Variants in ADGRL4 observed in about 807,000 individuals in gnomAD.
ADGRL4 encodes the protein adhesion G protein-coupled receptor L4, also known as EGF, latrophilin and seven transmembrane domain containing 1.
In ADGRL4, 90 loss-of-function variants were observed where a neutral mutation model predicts 74.8. The observed-to-expected ratio is 1.20, with a 90% CI of 1.02 to 1.43. ADGRL4 has a LOEUF of 1.43. Among genes scored for constraint, ADGRL4 ranks in the 40% most tolerant of loss-of-function variants. The pLI is 0.00. For synonymous variants in ADGRL4, 311 were observed against 279.2 expected (o/e 1.11, Z -1.14); for missense variants, 881 against 814.3 (o/e 1.08, Z -1.00).
At position 78,937,914 on chromosome 1, in the gene ADGRL4, C is replaced by T; in HGVS notation, c.653G>A (p.Arg218Lys). 6.2e-7 allele frequency: 1 copy of T among 1,613,928 alleles called. No homozygotes were observed. The highest frequency in any genetic ancestry group is 2.2e-5 in the East Asian group (1 of 44,826). The change falls in exon 6 of 15, where the codon AGG (arginine) becomes AAG (lysine). Residue 218 changes from arginine (R) to lysine (K), a missense_variant. By Grantham distance (26) the Arg-to-Lys change is conservative. Transcript: ENST00000370742. ...CATGAGTTTTGTAAGATGTGTTCTC[C>T]TATGATTCACAGATAACTTGTCCCA... ...VVWDKLSVNHRRTHLTKLMHT... is the reference protein window; with the variant it reads ...VVWDKLSVNHKRTHLTKLMHT...
intron 9 of ADGRL4, 74 bp from the exon 10 acceptor site, chr1:78,920,460 A>G: frequency 1.2e-6 from 1 of 854,794 alleles, no homozygotes; most frequent in Non-Finnish European, 1.8e-6. Flanking sequence ...ACATATAATG[A>G]ACTTCCTTTT....
intron 7 of ADGRL4, among the ~76,000 whole-genome samples, chr1:78,928,171 A>G (rs1649158263): frequency 6.6e-6 from 1 of 151,426 alleles, no homozygotes; most frequent in South Asian, 2.1e-4. Flanking sequence ...TGATGAATCA[A>G]AAATATAAGA....
At chr1:78,946,245 C>T in intron 3 of ADGRL4, 29 bp downstream of exon 3, 4 of 1,571,644 alleles carry the variant, frequency 2.5e-6, no homozygotes, top group African/African-American at 1.4e-5. Flanking sequence ...GAGATATATA[C>T]AAATTCTAAC....
intron 12 of ADGRL4, among the ~76,000 whole-genome samples, chr1:78,914,555 G>C (rs1273552615): frequency 6.6e-6 from 1 of 151,716 alleles, no homozygotes; most frequent in Non-Finnish European, 1.5e-5. Context: ...ATGTTCATCT[G>C]ATCATTTGAA....
chr1:78,902,279 A>G (rs1232903593), intron 12 of ADGRL4, among the ~76,000 whole-genome samples: 2 of 152,120 alleles, frequency 1.3e-5, no homozygotes, highest in Non-Finnish European at 2.9e-5. Flanking sequence ...TAAAATTTTG[A>G]GTGCTGATAT....
intron 9 of ADGRL4, among the ~76,000 whole-genome samples, chr1:78,921,256 C>T (rs1171501976): frequency 6.6e-6 from 1 of 150,876 alleles, no homozygotes; most frequent in African/African-American, 2.4e-5. Flanking sequence ...GGAGCTTTGT[C>T]ATGAGTAAAA....
At chr1:78,969,704 TG>T (rs1243972875) in intron 2 of ADGRL4, among the ~76,000 whole-genome samples, 18 of 115,770 alleles carry the variant, frequency 1.6e-4, no homozygotes, top group East Asian at 2.8e-4. Flanking sequence ...TGATGATTTG[TG>T]GGTTTTTTTT....
At chr1:78,921,227 C>T (rs928438663) in intron 9 of ADGRL4, among the ~76,000 whole-genome samples, 1 of 150,752 alleles carries the variant, frequency 6.6e-6, no homozygotes, top group East Asian at 2.0e-4. Flanking sequence ...ACTTATTGCC[C>T]AACTGTCAAA....
chr1:78,976,871 C>G lies in ADGRL4; in HGVS notation c.172+28199G>C, dbSNP rs187753882. 3.3e-5 allele frequency among the ~76,000 whole-genome samples: 5 copies of G among 151,140 alleles called. No individual in the cohort carries two copies. The East Asian group carries it at 9.8e-4, about 29-fold the overall frequency. ...AACATTTAAGAAAAAAATACTAACT[C>G]TACATAAACTCTCCCAAAATATTGA... On this transcript the variant is annotated intron_variant, in intron 2 of 14. Transcript: ENST00000370742.
rs576778872 is a variant in ADGRL4, at chr1:78,926,822, C to T, written c.1083+64G>A. ...AACTCAGATAATTTAAGTGACACAA[C>T]AAAGAGTCCAGTTCTCTGACTGTAT... On this transcript the variant is annotated intron_variant, in intron 8 of 14. Transcript: ENST00000370742. 1,062 of 1,185,692 alleles carry T rather than the reference C, an allele frequency of 9.0e-4. 18 individuals are homozygous for T. In the South Asian group the frequency reaches 0.014, roughly 16 times the overall value. 73.4% of individuals were successfully genotyped at this position (1,185,692 alleles called of 1,614,324 possible). A position where few individuals can be genotyped will look rare whatever the true frequency, so the allele number is the denominator to read the frequency against.
chr1:78,992,449 C>T (rs1489899441), intron 2 of ADGRL4, among the ~76,000 whole-genome samples: 1 of 152,030 alleles, frequency 6.6e-6, no homozygotes, highest in Non-Finnish European at 1.5e-5. Flanking sequence ...ACCAATAACA[C>T]TCAACATAAT....
chr1:78,925,672 T>A (rs2100676320), intron 8 of ADGRL4, among the ~76,000 whole-genome samples: 1 of 152,174 alleles, frequency 6.6e-6, no homozygotes, highest in Non-Finnish European at 1.5e-5. Flanking sequence ...ACTTATTGAA[T>A]GGAAAATATA....
intron 2 of ADGRL4, among the ~76,000 whole-genome samples, chr1:79,000,103 C>T (rs1650811479): frequency 6.6e-6 from 1 of 152,060 alleles, no homozygotes; most frequent in African/African-American, 2.4e-5. Context: ...TTTCATTCTT[C>T]ATCCTATTAG....
intron 3 of ADGRL4, among the ~76,000 whole-genome samples, chr1:78,942,506 T>A (rs962677447): frequency 2.0e-5 from 3 of 152,206 alleles, no homozygotes; most frequent in African/African-American, 7.2e-5. Flanking sequence ...ATTATTTAAG[T>A]CAGGCTAGAT....
chr1:78,981,793 ATATT>A (rs1250233451), intron 2 of ADGRL4, among the ~76,000 whole-genome samples: 1 of 151,888 alleles, frequency 6.6e-6, no homozygotes, highest in African/African-American at 2.4e-5. Context: ...TTAAGTATAA[ATATT>A]AATTAATAAA....
chr1:78,937,193 C>G (rs926015162), intron 6 of ADGRL4, among the ~76,000 whole-genome samples: 1 of 152,102 alleles, frequency 6.6e-6, no homozygotes, highest in Non-Finnish European at 1.5e-5. Flanking sequence ...GCCTGTAATC[C>G]CAGCACTTTA....
intron 3 of ADGRL4, among the ~76,000 whole-genome samples, chr1:78,940,188 C>A (rs1483598037): frequency 6.6e-6 from 1 of 152,268 alleles, no homozygotes; most frequent in East Asian, 1.9e-4. Flanking sequence ...ATTTCAACAA[C>A]TCAGTGTAAT....
chr1:79,004,753 A>T (rs1038853631), intron 2 of ADGRL4, among the ~76,000 whole-genome samples: 2 of 152,154 alleles, frequency 1.3e-5, no homozygotes, highest in African/African-American at 2.4e-5. Flanking sequence ...ACATAGCAGT[A>T]TACATTTCGT....
intron 7 of ADGRL4, among the ~76,000 whole-genome samples, chr1:78,934,860 T>C (rs964881535): frequency 6.6e-6 from 1 of 152,136 alleles, no homozygotes; most frequent in African/African-American, 2.4e-5. Context: ...GGAGATACCA[T>C]CTCATGCCAG....
Sources: gnomAD v4.1 joint callset for allele counts (sites outside exome capture counted in the v4.1 genomes callset) on GRCh38, gnomAD v4.1.1 for gene constraint, MANE v1.5 for transcripts, NCBI Gene and HGNC (gene_info 2026-07-23, HGNC 2026-07-21) for gene names.